Variants in ARHGEF3 observed in about 807,000 individuals in gnomAD.
The protein encoded by ARHGEF3 is Rho guanine nucleotide exchange factor 3.
ARHGEF3 carries 28 observed loss-of-function variants against 63.2 expected under a neutral mutation model. The ratio of observed to expected loss-of-function variants is 0.44; its 90% CI spans 0.33 to 0.61. The LOEUF (loss-of-function observed/expected upper bound fraction) is 0.61, where lower values mean the gene tolerates loss of function less well. Ranked by LOEUF, ARHGEF3 falls within the 20% of genes least tolerant of loss-of-function variation. The pLI is 0.03. For synonymous variants in ARHGEF3, 266 were observed against 254.2 expected, an observed-to-expected ratio of 1.05 and a Z score of -0.44; for missense variants, 533 against 659.3, an observed-to-expected ratio of 0.81 and a Z score of 2.10.
At chr3:56,958,229 G>A (rs1700126641) in intron 3 of ARHGEF3, among the ~76,000 whole-genome samples, 1 of 151,700 alleles carries the variant, frequency 6.6e-6, no homozygotes, top group South Asian at 2.1e-4. Flanking sequence ...CAGCAACCTT[G>A]ACACTTCTTA....
chr3:56,993,261 CA>C (rs1184230787), intron 2 of ARHGEF3, among the ~76,000 whole-genome samples: 3 of 152,328 alleles, frequency 2.0e-5, no homozygotes, highest in African/African-American at 7.2e-5. Context: ...AAGATTTGAA[CA>C]GAGGTTTTTG....
chr3:56,871,341 C>G (rs570869885), intron 4 of ARHGEF3, among the ~76,000 whole-genome samples: 82 of 152,074 alleles, frequency 5.4e-4, no homozygotes, highest in Admixed American at 9.8e-4. Context: ...ATTATTTTTT[C>G]AACAGTAGAA....
intron 1 of ARHGEF3, among the ~76,000 whole-genome samples, chr3:56,789,643 C>T (rs1371477746): frequency 5.3e-5 from 8 of 152,222 alleles, no homozygotes; most frequent in Non-Finnish European, 7.3e-5. Context: ...GCCTTGTTCA[C>T]TGTTTCCAAA....
rs201015804 is a variant in ARHGEF3 at position 56,754,973 on chromosome 3, G to A, written c.375+8C>T. 15 of 1,613,958 alleles carry A rather than the reference G, an allele frequency of 9.3e-6. No individual in the cohort carries two copies. Among genetic ancestry groups the A allele is most frequent in the Non-Finnish European group, 1.1e-5 (13 of 1,180,010 alleles). On this transcript the variant is annotated splice_region_variant and intron_variant, in intron 3 of 9. Coordinates refer to ENST00000296315, the MANE Select transcript of ARHGEF3 (RefSeq NM_019555.3). ...ACACACAGCCAGCTCCATGGGCCCCGAGCCTACCTCCTGACGTTTGATTTC... is the reference window on the plus strand; with the variant it reads ...ACACACAGCCAGCTCCATGGGCCCCAAGCCTACCTCCTGACGTTTGATTTC...
chr3:57,074,061 C>A, intron 1 of ARHGEF3: 1 of 1,614,094 alleles, frequency 6.2e-7, no homozygotes. Context: ...GCAAGTTATT[C>A]ATAACTCTAC....
chr3:56,968,229 T>TA (rs1489061476), intron 2 of ARHGEF3, among the ~76,000 whole-genome samples: 1,341 of 40,326 alleles, frequency 0.033, 129 homozygotes, highest in Non-Finnish European at 0.051. Context: ...ATATAATATA[T>TA]ATATAAATAT....
chr3:56,809,524 AT>A (rs1244964133), intron 4 of ARHGEF3, among the ~76,000 whole-genome samples: 1 of 152,096 alleles, frequency 6.6e-6, no homozygotes, highest in Non-Finnish European at 1.5e-5. Flanking sequence ...CTCACTGAAG[AT>A]TTTGCAGTAA....
intron 3 of ARHGEF3, among the ~76,000 whole-genome samples, chr3:56,931,405 G>A (rs1029657633): frequency 5.3e-5 from 8 of 151,836 alleles, no homozygotes; most frequent in African/African-American, 1.9e-4. Flanking sequence ...GCAAAACCCT[G>A]TCTCTACAGA....
At chr3:57,031,821 G>C (rs1703746977) in intron 2 of ARHGEF3, among the ~76,000 whole-genome samples, 2 of 152,142 alleles carry the variant, frequency 1.3e-5, no homozygotes, top group South Asian at 4.1e-4. Flanking sequence ...GTGATGCTGT[G>C]GAAAGAGCCA....
chr3:57,026,715 T>C (rs1340530755), intron 2 of ARHGEF3, among the ~76,000 whole-genome samples: 1 of 152,182 alleles, frequency 6.6e-6, no homozygotes, highest in Non-Finnish European at 1.5e-5. Flanking sequence ...GAGACATTCT[T>C]TTCCTGCCTG....
intron 6 of ARHGEF3, among the ~76,000 whole-genome samples, chr3:56,747,064 CAGAGAGAGAG>C (rs5849167): frequency 7.4e-4 from 110 of 148,274 alleles, no homozygotes; most frequent in Non-Finnish European, 1.1e-3. Context: ...CACACACACA[CAGAGAGAGAG>C]AGAGAGAGAG....
chr3:57,072,467 G>A (rs1290042882), intron 1 of ARHGEF3, among the ~76,000 whole-genome samples: 1 of 151,612 alleles, frequency 6.6e-6, no homozygotes, highest in African/African-American at 2.4e-5. Flanking sequence ...TAGGCCAGGT[G>A]CGGTGGCTCA....
intron 2 of ARHGEF3, among the ~76,000 whole-genome samples, chr3:57,019,064 G>A (rs1484281156): frequency 6.6e-6 from 1 of 152,198 alleles, no homozygotes; most frequent in Non-Finnish European, 1.5e-5. Context: ...GATTCATTGG[G>A]TAGCAAGGAC....
intron 4 of ARHGEF3, among the ~76,000 whole-genome samples, chr3:56,825,583 T>C (rs960130046): frequency 4.1e-4 from 62 of 152,368 alleles, no homozygotes; most frequent in African/African-American, 1.5e-3. Flanking sequence ...TGTTTAGTTT[T>C]ATTTTGTAAT....
At chr3:56,854,353 A>G (rs1250532836) in intron 4 of ARHGEF3, among the ~76,000 whole-genome samples, 3 of 152,204 alleles carry the variant, frequency 2.0e-5, no homozygotes, top group Middle Eastern at 3.2e-3. Context: ...GCAATGGAGA[A>G]AGACACAAGC....
At chr3:56,899,679 A>C (rs2041439546) in intron 3 of ARHGEF3, among the ~76,000 whole-genome samples, 1 of 152,210 alleles carries the variant, frequency 6.6e-6, no homozygotes, top group Admixed American at 6.5e-5. Flanking sequence ...AATGAGTGGG[A>C]CTTAGGAAAC....
chr3:57,017,051 C>T (rs148477875), intron 2 of ARHGEF3, among the ~76,000 whole-genome samples: 1 of 151,410 alleles, frequency 6.6e-6, no homozygotes, highest in African/African-American at 2.4e-5. Context: ...CACACACACA[C>T]ACACACACAC....
chr3:57,044,290 C>T (rs1050713973), intron 1 of ARHGEF3, among the ~76,000 whole-genome samples: 1 of 152,228 alleles, frequency 6.6e-6, no homozygotes, highest in African/African-American at 2.4e-5. Flanking sequence ...GGAGGCATCA[C>T]CACCAGCTGA....
chr3:56,881,472 G>T (rs1339148757), intron 4 of ARHGEF3, among the ~76,000 whole-genome samples: 1 of 152,122 alleles, frequency 6.6e-6, no homozygotes, highest in Non-Finnish European at 1.5e-5. Flanking sequence ...AGAGGCCAAG[G>T]TAGGCTTCCC....
Sources: allele counts gnomAD v4.1 joint callset (sites outside exome capture counted in the v4.1 genomes callset), GRCh38; gene constraint gnomAD v4.1.1; transcripts MANE v1.5; gene names NCBI Gene and HGNC (gene_info 2026-07-23, HGNC 2026-07-21).